Variants in MRAP observed in about 807,000 individuals in gnomAD.
MRAP encodes the protein melanocortin-2 receptor accessory protein.
Under a neutral mutation model 8.7 loss-of-function variants are expected in MRAP, and 8 were observed. The observed-to-expected ratio is 0.92, with a 90% CI of 0.54 to 1.66. The LOEUF (loss-of-function observed/expected upper bound fraction) is 1.66, where lower values mean the gene tolerates loss of function less well. Among genes scored for constraint, MRAP ranks in the 40% most tolerant of loss-of-function variants. The pLI, the probability that MRAP is intolerant of heterozygous loss-of-function variation, is 0.00. For synonymous variants in MRAP, 95 were observed against 95.5 expected (o/e 1.00, Z 0.03); for missense variants, 237 against 217.1 (o/e 1.09, Z -0.58).
At chr21:32,302,837 A>G (rs556628468) in intron 1 of MRAP, among the ~76,000 whole-genome samples, 1 of 152,120 alleles carries the variant, frequency 6.6e-6, no homozygotes, top group Admixed American at 6.5e-5. Flanking sequence ...ACCTTGTCAC[A>G]TTGTTCTCTG....
chr21:32,310,654 CTTTTTTTTTTT>C (rs971498171), intron 2 of MRAP, among the ~76,000 whole-genome samples: 2 of 144,408 alleles, frequency 1.4e-5, no homozygotes, highest in African/African-American at 5.1e-5. Context: ...TTTTTTTTTT[CTTTTTTTTTTT>C]GAGACTGAGT....
upstream of MRAP, among the ~76,000 whole-genome samples, chr21:32,294,909 TA>T (rs1415334892): frequency 1.3e-5 from 2 of 152,124 alleles, no homozygotes; most frequent in Non-Finnish European, 2.9e-5. Flanking sequence ...TATCTTTTGT[TA>T]ATTTTATTCC....
rs1279935163 is a variant in MRAP, at chr21:32,311,842, C to T, written c.365C>T (p.Pro122Leu). The T allele has an allele frequency of 8.1e-6, 13 of 1,614,024 alleles. No individual in the cohort carries two copies. Among genetic ancestry groups the T allele is most frequent in the African/African-American group, 4.0e-5 (3 of 74,928 alleles). ...GGGAGCAGAACTGGCCCTGACCAGC[C>T]GCTACGACAGGAGAGCTCCTCCACC... ...EPGSRTGPDQPLRQESSSTLP... is the reference protein window; with the variant it reads ...EPGSRTGPDQLLRQESSSTLP... Residue 122 changes from proline to leucine, a missense_variant, in exon 3 of 3, where the codon CCG becomes CTG. Pro to Leu is a moderately conservative substitution (Grantham distance 98). Transcript: ENST00000303645.
At chr21:32,306,590 G>C in intron 1 of MRAP, 50 bp from the exon 2 acceptor site, 1 of 1,517,718 alleles carries the variant, frequency 6.6e-7, no homozygotes, top group East Asian at 2.3e-5. Flanking sequence ...CCTCAGCGTT[G>C]CTTTATGTTG....
downstream of MRAP, chr21:32,313,657 G>C (rs2032629909): frequency 6.6e-6 from 1 of 152,196 alleles, no homozygotes; most frequent in Non-Finnish European, 1.5e-5. Flanking sequence ...AAATAGAAGT[G>C]TAAATGTTTC....
chr21:32,308,315 T>C (rs2032467823), intron 2 of MRAP, among the ~76,000 whole-genome samples: 1 of 151,718 alleles, frequency 6.6e-6, no homozygotes, highest in South Asian at 2.1e-4. Context: ...AGGCAGAGGT[T>C]GCAGTGAACC....
upstream of MRAP, chr21:32,298,784 G>A (rs1253486133): frequency 1.7e-6 from 1 of 578,168 alleles, no homozygotes; most frequent in Non-Finnish European, 3.2e-6. Flanking sequence ...GGCGTTGTGA[G>A]ACACACCCCC....
At chr21:32,306,451 C>A (rs1486888019) in intron 1 of MRAP, 189 bp from the exon 2 acceptor site, 4 of 655,072 alleles carry the variant, frequency 6.1e-6, no homozygotes, top group Non-Finnish European at 1.1e-5. Flanking sequence ...AAAGACACTT[C>A]TTGGCTCCCC....
Position 32,312,164 on chromosome 21 carries a change from C to T in MRAP, c.*168C>T. ...ATGCCTTTGACAAAGATTGCAGTGGCCCCTCGAGTGCAGAGGTCATCCCAG... is the reference window on the plus strand; with the variant it reads ...ATGCCTTTGACAAAGATTGCAGTGGTCCCTCGAGTGCAGAGGTCATCCCAG... On this transcript the variant is annotated 3_prime_UTR_variant, in exon 3 of 3. Coordinates refer to ENST00000303645, the MANE Select transcript of MRAP (RefSeq NM_001379228.1). 1 of 1,519,718 alleles carries T rather than the reference C, an allele frequency of 6.6e-7. No homozygotes were observed. Among genetic ancestry groups the T allele is most frequent in the East Asian group, 2.5e-5 (1 of 40,808 alleles). The allele number at this position is 1,519,718 out of a possible 1,614,324, so 94.1% of individuals were successfully genotyped here.
intron 1 of MRAP, among the ~76,000 whole-genome samples, chr21:32,300,231 C>G (rs761547614): frequency 6.6e-6 from 1 of 152,192 alleles, no homozygotes; most frequent in Non-Finnish European, 1.5e-5. Context: ...CACACACACA[C>G]AGAAAAAGTA....
intron 1 of MRAP, among the ~76,000 whole-genome samples, chr21:32,305,039 C>T (rs552681401): frequency 2.5e-4 from 33 of 134,112 alleles, no homozygotes; most frequent in African/African-American, 9.3e-4. Context: ...CTGGCGTGAT[C>T]GTAGCTCACT....
At chr21:32,310,127 C>T (rs572026112) in intron 2 of MRAP, among the ~76,000 whole-genome samples, 1 of 152,330 alleles carries the variant, frequency 6.6e-6, no homozygotes, top group Admixed American at 6.5e-5. Context: ...GGGCTGCCTC[C>T]ACCACGCCCA....
chr21:32,314,618 G>A (rs2032650439), downstream of MRAP: 4 of 1,614,186 alleles, frequency 2.5e-6, no homozygotes, highest in Non-Finnish European at 3.4e-6. Flanking sequence ...TTCCTGTGAT[G>A]AGCTCCAAGC....
At chr21:32,299,921 T>C (rs2032220069) in intron 1 of MRAP, among the ~76,000 whole-genome samples, 1 of 152,202 alleles carries the variant, frequency 6.6e-6, no homozygotes, top group Non-Finnish European at 1.5e-5. Flanking sequence ...GACAATCTTC[T>C]CTGAGGAGTC....
chr21:32,309,586 G>GGATTACAGGCACCC (rs2032505027), intron 2 of MRAP, among the ~76,000 whole-genome samples: 1 of 149,454 alleles, frequency 6.7e-6, no homozygotes, highest in African/African-American at 2.4e-5. Flanking sequence ...CGAGTAGCTG[G>GGATTACAGGCACCC]GATTACAGGC....
Position 32,300,579 on chromosome 21 carries a change from T to C in MRAP, c.106+1502T>C, listed in dbSNP as rs112092380. 1.6e-3 allele frequency among the ~76,000 whole-genome samples: 245 copies of C among 149,744 alleles called. 2 individuals are homozygous for C. Among genetic ancestry groups the C allele is most frequent in the Middle Eastern group, 7.2e-3 (2 of 276 alleles). ...TATGTCAGATGTTTCACACGTCATG[T>C]CAGGGGCGTCACACGTCCTATGTCG... On this transcript the variant is annotated intron_variant, in intron 1 of 2. Coordinates refer to ENST00000303645, the MANE Select transcript of MRAP (RefSeq NM_001379228.1).
chr21:32,314,557 C>G (rs549308396), downstream of MRAP: 1 of 1,613,574 alleles, frequency 6.2e-7, no homozygotes, highest in Non-Finnish European at 8.5e-7. Context: ...TCAGCTTTAA[C>G]ACAGATGAAT....
chr21:32,303,560 G>GGAGGGAAGAGAGGAGA (rs1472966342), intron 1 of MRAP, among the ~76,000 whole-genome samples: 1 of 152,194 alleles, frequency 6.6e-6, no homozygotes, highest in African/African-American at 2.4e-5. Context: ...GAGAAAGGAA[G>GGAGGGAAGAGAGGAGA]GAGGGAAGAG....
downstream of MRAP, chr21:32,312,412 C>A: frequency 1.1e-6 from 1 of 911,786 alleles, no homozygotes. Flanking sequence ...CCCATCCAAG[C>A]TCCACTAACA....
Sources: allele counts gnomAD v4.1 joint callset (sites outside exome capture counted in the v4.1 genomes callset), GRCh38; gene constraint gnomAD v4.1.1; transcripts MANE v1.5; gene names NCBI Gene and HGNC (gene_info 2026-07-23, HGNC 2026-07-21).